Variants in PIGK observed in about 807,000 individuals in gnomAD.
PIGK encodes GPI-anchor transamidase.
PIGK carries 42 observed loss-of-function variants against 50.6 expected under a neutral mutation model. The ratio of observed to expected loss-of-function variants is 0.83; its 90% CI spans 0.65 to 1.07. PIGK has a LOEUF of 1.07. PIGK is among the 50% of genes least tolerant of loss of function. PIGK has a pLI of 0.00. For synonymous variants in PIGK, 151 were observed against 156.0 expected, an observed-to-expected ratio of 0.97 and a Z score of 0.24; for missense variants, 448 against 488.7, an observed-to-expected ratio of 0.92 and a Z score of 0.78.
At position 77,166,845 on chromosome 1, in the gene PIGK, A is replaced by G. The variant is rs779408307; in HGVS notation, c.376-15T>C. The G allele has an allele frequency of 2.6e-5, 31 of 1,188,438 alleles. No homozygotes were observed. Among genetic ancestry groups the G allele is most frequent in the Non-Finnish European group, 6.2e-6 (5 of 812,388 alleles). 73.6% of individuals were successfully genotyped at this position (1,188,438 alleles called of 1,614,324 possible). A position where few individuals can be genotyped will look rare whatever the true frequency, so the allele number is the denominator to read the frequency against. ...TCCACAGTTACCTAAGGGGGAAAAA[A>G]CAAGAAAAATCAGATGAAATAAAAC... On this transcript the variant is annotated splice_polypyrimidine_tract_variant and intron_variant, in intron 4 of 10. Coordinates refer to ENST00000370812, the MANE Select transcript of PIGK (RefSeq NM_005482.3).
At chr1:77,155,407 T>C (rs997180998) in intron 8 of PIGK, among the ~76,000 whole-genome samples, 1 of 152,190 alleles carries the variant, frequency 6.6e-6, no homozygotes. Flanking sequence ...GTCTATTACA[T>C]AGAATTCATA....
chr1:77,094,790 T>C (rs1653371331), intron 10 of PIGK, among the ~76,000 whole-genome samples: 1 of 152,160 alleles, frequency 6.6e-6, no homozygotes, highest in African/African-American at 2.4e-5. Flanking sequence ...ACAGGCTGGC[T>C]TGGAGAATTC....
At chr1:77,170,878 A>C (rs1481895269) in intron 3 of PIGK, among the ~76,000 whole-genome samples, 1 of 152,194 alleles carries the variant, frequency 6.6e-6, no homozygotes, top group African/African-American at 2.4e-5. Flanking sequence ...TTCCAAATAC[A>C]TTAAAGTTCA....
intron 3 of PIGK, among the ~76,000 whole-genome samples, 185 bp downstream of exon 3, chr1:77,206,455 T>C (rs1393252562): frequency 2.0e-5 from 3 of 152,358 alleles, no homozygotes; most frequent in African/African-American, 7.2e-5. Flanking sequence ...ATATAATTTG[T>C]CATTATGGTC....
At chr1:77,111,127 G>A (rs888891372) in intron 10 of PIGK, among the ~76,000 whole-genome samples, 1 of 152,158 alleles carries the variant, frequency 6.6e-6, no homozygotes, top group African/African-American at 2.4e-5. Flanking sequence ...GAGAGGATGT[G>A]GAGAAATAGG....
intron 3 of PIGK, among the ~76,000 whole-genome samples, chr1:77,179,514 T>C (rs1304906555): frequency 6.6e-6 from 1 of 152,182 alleles, no homozygotes; most frequent in Admixed American, 6.5e-5. Flanking sequence ...GTGCTCAAAC[T>C]GTGTTCAAAT....
intron 1 of PIGK, among the ~76,000 whole-genome samples, chr1:77,217,677 G>A (rs777802623): frequency 1.3e-5 from 2 of 152,150 alleles, no homozygotes; most frequent in African/African-American, 2.4e-5. Context: ...GGAAACTGTT[G>A]CTCCTATCTC....
intron 9 of PIGK, among the ~76,000 whole-genome samples, chr1:77,146,141 A>G (rs1470657630): frequency 1.3e-5 from 2 of 151,378 alleles, no homozygotes; most frequent in Non-Finnish European, 3.0e-5. Flanking sequence ...GTCCATATGG[A>G]AAAAAAAATG....
At chr1:77,094,032 A>G (rs1265329447) in intron 10 of PIGK, among the ~76,000 whole-genome samples, 1 of 152,222 alleles carries the variant, frequency 6.6e-6, no homozygotes, top group African/African-American at 2.4e-5. Flanking sequence ...CAATGAAAAA[A>G]TAAGTGAGTG....
chr1:77,097,086 TAAA>T (rs1557790323), intron 10 of PIGK, among the ~76,000 whole-genome samples: 1 of 151,858 alleles, frequency 6.6e-6, no homozygotes, highest in African/African-American at 2.4e-5. Context: ...TATGCAGCCA[TAAA>T]AAATGATGAG....
chr1:77,145,132 ACAAT>A (rs996683262), intron 9 of PIGK, among the ~76,000 whole-genome samples: 13 of 152,094 alleles, frequency 8.5e-5, no homozygotes, highest in Admixed American at 7.8e-4. Flanking sequence ...CATATTCTTC[ACAAT>A]CAATTTTACC....
rs111925899 is a variant in PIGK at position 77,161,292 on chromosome 1, T to C, written c.813+3A>G. The C allele has an allele frequency of 2.9e-6, 4 of 1,392,010 alleles. No homozygotes were observed. The highest frequency in any genetic ancestry group is 1.4e-5 in the African/African-American group (1 of 70,704). 86.2% of individuals were successfully genotyped at this position (1,392,010 alleles called of 1,614,324 possible). ...GCTATAATCAAATCAAGTGAATACT[T>C]ACAAGGTCATTCATATTAGTTTGGC... is the stretch of plus-strand genomic sequence containing the variant. On this transcript the variant is annotated splice_donor_region_variant and intron_variant, in intron 8 of 10. Coordinates refer to ENST00000370812, the MANE Select transcript of PIGK (RefSeq NM_005482.3).
intron 10 of PIGK, among the ~76,000 whole-genome samples, chr1:77,102,717 A>G (rs768240225): frequency 6.6e-6 from 1 of 152,258 alleles, no homozygotes; most frequent in Non-Finnish European, 1.5e-5. Flanking sequence ...AATTTGTTAC[A>G]GCAGTGATAG....
intron 10 of PIGK, among the ~76,000 whole-genome samples, chr1:77,114,361 A>G (rs907945042): frequency 2.0e-5 from 3 of 152,176 alleles, no homozygotes; most frequent in Non-Finnish European, 4.4e-5. Context: ...GATCATTATC[A>G]TTATCAACTG....
intron 9 of PIGK, among the ~76,000 whole-genome samples, chr1:77,133,894 T>TC (rs1654440727): frequency 1.3e-5 from 2 of 151,930 alleles, no homozygotes; most frequent in African/African-American, 4.9e-5. Flanking sequence ...AGCTTAAGAA[T>TC]TTGGCATGCC....
chr1:77,147,623 C>G (rs1379226442), intron 9 of PIGK, among the ~76,000 whole-genome samples: 1 of 152,142 alleles, frequency 6.6e-6, no homozygotes, highest in African/African-American at 2.4e-5. Flanking sequence ...AAAAGGTTTT[C>G]TGACACAGAA....
At chr1:77,183,336 TA>T (rs1655664481) in intron 3 of PIGK, among the ~76,000 whole-genome samples, 1 of 152,182 alleles carries the variant, frequency 6.6e-6, no homozygotes, top group African/African-American at 2.4e-5. Flanking sequence ...CATGCTGCCA[TA>T]AGCCTTTCCA....
At chr1:77,135,529 G>A (rs1452390454) in intron 9 of PIGK, among the ~76,000 whole-genome samples, 1 of 151,780 alleles carries the variant, frequency 6.6e-6, no homozygotes. Flanking sequence ...TCTGTCTGTA[G>A]TTATGCCTCT....
At chr1:77,186,287 C>G (rs565368534) in intron 3 of PIGK, among the ~76,000 whole-genome samples, 2 of 152,338 alleles carry the variant, frequency 1.3e-5, no homozygotes, top group South Asian at 4.1e-4. Context: ...TGAAAGTGGA[C>G]AGCTGCAGCA....
Sources: allele counts gnomAD v4.1 joint callset (sites outside exome capture counted in the v4.1 genomes callset), GRCh38; gene constraint gnomAD v4.1.1; transcripts MANE v1.5; gene names NCBI Gene and HGNC (gene_info 2026-07-23, HGNC 2026-07-21).